The following CSMD1 variants were observed in gnomAD, a reference collection of about 807,000 sequenced individuals.
CSMD1 encodes the protein CUB and Sushi multiple domains 1.
Under a neutral mutation model 417.5 loss-of-function variants are expected in CSMD1, and 213 were observed. The observed-to-expected ratio is 0.51, with a 90% CI of 0.46 to 0.57. The LOEUF (loss-of-function observed/expected upper bound fraction) is 0.57, where lower values mean the gene tolerates loss of function less well. Ranked by LOEUF, CSMD1 falls within the 20% of genes least tolerant of loss-of-function variation. CSMD1 has a pLI of 0.00. For synonymous variants in CSMD1, 2,862 were observed against 1,736.8 expected, an observed-to-expected ratio of 1.65 and a Z score of -16.11; for missense variants, 6,923 against 4,529.7, an observed-to-expected ratio of 1.53 and a Z score of -15.17.
intron 25 of CSMD1, among the ~76,000 whole-genome samples, chr8:3,306,843 ACAGAG>A: frequency 1.4e-4 from 4 of 28,358 alleles, no homozygotes; most frequent in Non-Finnish European, 2.4e-4. Flanking sequence ...TAAAAATATT[ACAGAG>A]CTTACTTTAA....
chr8:3,409,606 C>T lies in CSMD1; in HGVS notation c.1562-1G>A. On this transcript the variant is annotated splice_acceptor_variant, in intron 12 of 69. Transcript: ENST00000635120. LOFTEE classifies it high-confidence loss of function. ...TCCCCACACCCTCCCTTTTCAATTT[C>T]TGAAAATGGAAAAACAAATGAACCC... 6.4e-7 allele frequency: 1 copy of T among 1,574,474 alleles called. No homozygotes were observed. The highest frequency in any genetic ancestry group is 8.6e-7 in the Non-Finnish European group (1 of 1,156,200).
chr8:3,030,207 A>T (rs897618295), intron 50 of CSMD1, among the ~76,000 whole-genome samples: 6 of 152,086 alleles, frequency 3.9e-5, no homozygotes, highest in Non-Finnish European at 7.4e-5. Flanking sequence ...GTGGACTTCA[A>T]GGACTTTCTA....
In CSMD1 at chr8:3,883,781, C is replaced by A. The variant is rs188227241; in HGVS notation, c.818+114122G>T. On this transcript the variant is annotated intron_variant, in intron 5 of 69. Transcript: ENST00000635120. ...TCTTAAATCCACAGGGAAAAAGCAG[C>A]TTTTAAATCTACTTAAACAATCCCA... 2.6e-4 allele frequency among the ~76,000 whole-genome samples: 39 copies of A among 152,094 alleles called. 1 individual carries two copies. The highest frequency in any genetic ancestry group is 9.4e-4 in the African/African-American group (39 of 41,514).
chr8:4,246,265 C>G (rs1013851840), intron 3 of CSMD1, among the ~76,000 whole-genome samples: 2 of 152,098 alleles, frequency 1.3e-5, no homozygotes, highest in Non-Finnish European at 2.9e-5. Context: ...TACATGATAA[C>G]TTGTGCTATT....
At chr8:3,995,781 C>G (rs565163994) in intron 5 of CSMD1, among the ~76,000 whole-genome samples, 32 of 152,338 alleles carry the variant, frequency 2.1e-4, no homozygotes, top group Non-Finnish European at 3.7e-4. Context: ...AAATACAACT[C>G]TATCCCCGGC....
chr8:3,251,702 A>G (rs1017712934), intron 26 of CSMD1, among the ~76,000 whole-genome samples: 13 of 152,100 alleles, frequency 8.5e-5, no homozygotes, highest in Admixed American at 2.0e-4. Flanking sequence ...ATGAGCATGG[A>G]ATGTTCTTCC....
At chr8:4,073,885 C>G (rs1202335019) in intron 3 of CSMD1, among the ~76,000 whole-genome samples, 1 of 152,058 alleles carries the variant, frequency 6.6e-6, no homozygotes, top group Non-Finnish European at 1.5e-5. Flanking sequence ...AATAACTAGT[C>G]TACAGCTATA....
At chr8:3,670,788 A>G (rs1020725704) in intron 7 of CSMD1, among the ~76,000 whole-genome samples, 2 of 150,826 alleles carry the variant, frequency 1.3e-5, no homozygotes, top group African/African-American at 4.9e-5. Context: ...TACGGGATAT[A>G]CATGTATATG....
At chr8:4,350,297 G>A (rs539489299) in intron 3 of CSMD1, among the ~76,000 whole-genome samples, 1 of 152,196 alleles carries the variant, frequency 6.6e-6, no homozygotes, top group East Asian at 1.9e-4. Context: ...TGACTGTGCT[G>A]TCTACTTGAG....
chr8:3,578,694 G>C (rs1296006748), intron 9 of CSMD1, among the ~76,000 whole-genome samples: 1 of 152,024 alleles, frequency 6.6e-6, no homozygotes, highest in African/African-American at 2.4e-5. Context: ...GAACCGATTG[G>C]GCAGCTCCTC....
chr8:4,493,343 G>A (rs1225952332), intron 2 of CSMD1, among the ~76,000 whole-genome samples: 1 of 152,040 alleles, frequency 6.6e-6, no homozygotes, highest in African/African-American at 2.4e-5. Flanking sequence ...CTCTTAACTA[G>A]GCACCTAAAT....
chr8:3,755,308 C>T (rs772674453), intron 5 of CSMD1, among the ~76,000 whole-genome samples: 25 of 152,074 alleles, frequency 1.6e-4, no homozygotes, highest in Non-Finnish European at 2.8e-4. Context: ...AAACTGGACA[C>T]GAAAATACCT....
At chr8:3,906,329 C>G (rs1808107054) in intron 5 of CSMD1, among the ~76,000 whole-genome samples, 1 of 152,068 alleles carries the variant, frequency 6.6e-6, no homozygotes, top group Non-Finnish European at 1.5e-5. Flanking sequence ...ATTTGGTGTA[C>G]TAATTCAAAA....
chr8:3,679,111 A>G (rs1255988624), intron 7 of CSMD1, among the ~76,000 whole-genome samples: 2 of 152,216 alleles, frequency 1.3e-5, no homozygotes, highest in Non-Finnish European at 2.9e-5. Flanking sequence ...GAGGCTAGGA[A>G]GAAAACTGTA....
At chr8:3,730,031 G>T (rs763250829) in intron 6 of CSMD1, among the ~76,000 whole-genome samples, 1 of 149,080 alleles carries the variant, frequency 6.7e-6, no homozygotes, top group Non-Finnish European at 1.5e-5. Context: ...TGGTCGAAGC[G>T]CTGCAAGTGT....
intron 4 of CSMD1, among the ~76,000 whole-genome samples, chr8:4,029,075 T>C (rs2130557074): frequency 6.6e-6 from 1 of 151,822 alleles, no homozygotes; most frequent in Non-Finnish European, 1.5e-5. Flanking sequence ...GTTGAAAGAG[T>C]TCTTAAAATA....
At chr8:3,365,302 T>C (rs971280817) in intron 20 of CSMD1, among the ~76,000 whole-genome samples, 2 of 152,132 alleles carry the variant, frequency 1.3e-5, no homozygotes, top group Non-Finnish European at 2.9e-5. Flanking sequence ...ATCAACAAAG[T>C]CAGATTAAGA....
intron 3 of CSMD1, among the ~76,000 whole-genome samples, chr8:4,087,407 G>C (rs936691395): frequency 2.6e-5 from 4 of 152,170 alleles, no homozygotes; most frequent in Non-Finnish European, 5.9e-5. Flanking sequence ...CTTGCATTTT[G>C]AGCAGATGCT....
chr8:4,823,249 T>C (rs1799618122), intron 1 of CSMD1, among the ~76,000 whole-genome samples: 1 of 152,062 alleles, frequency 6.6e-6, no homozygotes, highest in Non-Finnish European at 1.5e-5. Flanking sequence ...ATTCTTATGC[T>C]TGTGTTTTCC....
Sources: allele counts gnomAD v4.1 joint callset (sites outside exome capture counted in the v4.1 genomes callset), GRCh38; gene constraint gnomAD v4.1.1; transcripts MANE v1.5; gene names NCBI Gene and HGNC (gene_info 2026-07-23, HGNC 2026-07-21).